CORIN: variants seen among roughly 807,000 people sequenced by gnomAD.
CORIN encodes corin, serine peptidase, also known as atrial natriuretic peptide-converting enzyme.
In CORIN, 117 loss-of-function variants were observed where a neutral mutation model predicts 125.3. The observed-to-expected ratio is 0.93, with a 90% confidence interval of 0.80 to 1.09. The LOEUF (loss-of-function observed/expected upper bound fraction) is 1.09, where lower values mean the gene tolerates loss of function less well. Ranked by LOEUF, CORIN falls within the 50% of genes least tolerant of loss-of-function variation. The probability of loss-of-function intolerance (pLI) is 0.00; values close to 1 mark genes in which losing one functional copy is unlikely to be tolerated. For synonymous variants in CORIN, 450 were observed against 466.4 expected, an observed-to-expected ratio of 0.96 and a Z score of 0.45; for missense variants, 1,253 against 1,306.7, an observed-to-expected ratio of 0.96 and a Z score of 0.63.
At chr4:47,757,525 G>A (rs1290584532) in intron 4 of CORIN, among the ~76,000 whole-genome samples, 1 of 149,874 alleles carries the variant, frequency 6.7e-6, no homozygotes, top group Non-Finnish European at 1.5e-5. Flanking sequence ...AACCTAAGAG[G>A]CAGAGGTTGC....
Position 47,721,271 on chromosome 4 carries a change from T to G in CORIN, c.799+23131A>C, listed in dbSNP as rs58767029. ...GGGCTCCACCCCCATAACCTCATTTTTTCTTTTTTTTTTTTTGAGACGGAG... is the reference window on the plus strand; with the variant it reads ...GGGCTCCACCCCCATAACCTCATTTGTTCTTTTTTTTTTTTTGAGACGGAG... On this transcript the variant is annotated intron_variant, in intron 5 of 21. Coordinates refer to ENST00000273857, the MANE Select transcript of CORIN (RefSeq NM_006587.4). Among the ~76,000 whole-genome samples the G allele has an allele frequency of 1.8e-3, 273 of 151,976 alleles. 1 individual carries two copies. Among genetic ancestry groups the G allele is most frequent in the African/African-American group, 6.4e-3 (264 of 41,502 alleles).
intron 3 of CORIN, among the ~76,000 whole-genome samples, chr4:47,781,109 A>AT (rs1730525609): frequency 6.6e-6 from 1 of 152,154 alleles, no homozygotes; most frequent in Admixed American, 6.6e-5. Context: ...AATGGATTAA[A>AT]TTTTTTCAAT....
intron 16 of CORIN, among the ~76,000 whole-genome samples, chr4:47,634,323 A>G (rs949386494): frequency 2.6e-5 from 4 of 152,170 alleles, no homozygotes; most frequent in African/African-American, 9.7e-5. Context: ...GAAAGAAGTC[A>G]TCTCTCCCAG....
intron 19 of CORIN, among the ~76,000 whole-genome samples, chr4:47,621,514 T>C (rs886302038): frequency 3.3e-5 from 5 of 152,182 alleles, no homozygotes; most frequent in African/African-American, 1.2e-4. Context: ...TTTTTGTTTG[T>C]TGTTATTGTT....
chr4:47,803,917 A>C (rs1250189354), intron 2 of CORIN, among the ~76,000 whole-genome samples: 1 of 152,230 alleles, frequency 6.6e-6, no homozygotes, highest in Non-Finnish European at 1.5e-5. Context: ...GTGAAGAGAC[A>C]ACCCACAGAA....
intron 9 of CORIN, among the ~76,000 whole-genome samples, chr4:47,675,304 A>C (rs1232663145): frequency 6.6e-6 from 1 of 152,212 alleles, no homozygotes; most frequent in Non-Finnish European, 1.5e-5. Context: ...GGCACTTTTA[A>C]GTATAAATAA....
In CORIN at chr4:47,744,546, C is replaced by A; in HGVS notation, c.655G>T (p.Ala219Ser). The change falls in exon 5 of 22, where the codon GCA becomes TCA. Residue 219 changes from alanine (A) to serine (S), a missense_variant. Coordinates refer to ENST00000273857, the MANE Select transcript of CORIN (RefSeq NM_006587.4). ...LLPCRSFCEA[A>S]KEGCESVLGM... is the part of the protein sequence containing the mutation. ...AGGACTGATTCACAGCCTTCTTTTGCAGCCTCACAGAAGGACCTACAGGGC... is the reference window on the plus strand; with the variant it reads ...AGGACTGATTCACAGCCTTCTTTTGAAGCCTCACAGAAGGACCTACAGGGC... 1 of 1,610,708 alleles carries A rather than the reference C, an allele frequency of 6.2e-7. No homozygotes were observed. The highest frequency in any genetic ancestry group is 8.5e-7 in the Non-Finnish European group (1 of 1,178,720).
intron 5 of CORIN, among the ~76,000 whole-genome samples, chr4:47,739,603 A>C (rs1213354490): frequency 6.6e-6 from 1 of 151,992 alleles, no homozygotes; most frequent in East Asian, 1.9e-4. Context: ...ATCCATATGA[A>C]GAAATAAAAG....
chr4:47,744,182 A>G (rs58959111), intron 5 of CORIN, among the ~76,000 whole-genome samples: 26 of 152,280 alleles, frequency 1.7e-4, no homozygotes, highest in African/African-American at 6.0e-4. Flanking sequence ...GTAAGGATAG[A>G]GGTTTCTTTT....
chr4:47,762,053 CAT>C (rs1359243918), intron 4 of CORIN, among the ~76,000 whole-genome samples: 4 of 151,858 alleles, frequency 2.6e-5, no homozygotes, highest in Non-Finnish European at 5.9e-5. Context: ...TGTATACACA[CAT>C]ATATGCACAC....
At chr4:47,691,734 G>GT (rs537222719) in intron 6 of CORIN, among the ~76,000 whole-genome samples, 115 of 145,480 alleles carry the variant, frequency 7.9e-4, no homozygotes, top group Admixed American at 1.7e-3. Context: ...ATTTCCCAAA[G>GT]TTTTTTTTTT....
chr4:47,723,222 T>C (rs1012312908), intron 5 of CORIN, among the ~76,000 whole-genome samples: 1 of 152,118 alleles, frequency 6.6e-6, no homozygotes, highest in African/African-American at 2.4e-5. Flanking sequence ...AGGCTAAAAC[T>C]AGAGCTTTTT....
chr4:47,596,869 C>A (rs895160304), intron 21 of CORIN, among the ~76,000 whole-genome samples: 5 of 152,116 alleles, frequency 3.3e-5, no homozygotes, highest in African/African-American at 9.7e-5. Context: ...TTAATCTTTA[C>A]AAAATACCTA....
intron 21 of CORIN, among the ~76,000 whole-genome samples, chr4:47,598,804 A>G (rs1456174635): frequency 6.6e-6 from 1 of 152,178 alleles, no homozygotes; most frequent in Non-Finnish European, 1.5e-5. Flanking sequence ...GAGTTATTAG[A>G]AAGCGTTTTG....
At chr4:47,632,744 TA>T (rs528198937) in intron 16 of CORIN, among the ~76,000 whole-genome samples, 9 of 116,694 alleles carry the variant, frequency 7.7e-5, no homozygotes, top group Non-Finnish European at 1.6e-4. Flanking sequence ...GATAGATAGA[TA>T]GATAGATAGA....
At chr4:47,725,459 A>G (rs1371083001) in intron 5 of CORIN, among the ~76,000 whole-genome samples, 1 of 152,152 alleles carries the variant, frequency 6.6e-6, no homozygotes, top group Non-Finnish European at 1.5e-5. Flanking sequence ...CAGTCCAGAA[A>G]TAGACCCACG....
chr4:47,715,465 T>C (rs62299225), intron 5 of CORIN, among the ~76,000 whole-genome samples: 1 of 150,454 alleles, frequency 6.6e-6, no homozygotes, highest in African/African-American at 2.5e-5. Context: ...AAATTAGCCG[T>C]GTGGTGGCAG....
In CORIN at chr4:47,594,310, G is replaced by T. The variant is rs1475513726; in HGVS notation, c.*1411C>A. ...GATACAAAAATACATGTATAAAATT[G>T]CAGGTAGTATCTATTTGGAATGCTG... On this transcript the variant is annotated 3_prime_UTR_variant, in exon 22 of 22. Coordinates refer to ENST00000273857, the MANE Select transcript of CORIN (RefSeq NM_006587.4). The T allele has an allele frequency of 6.6e-6, 1 of 152,502 alleles. No individual in the cohort carries two copies. The highest frequency in any genetic ancestry group is 1.5e-5 in the Non-Finnish European group (1 of 67,990). 9.4% of individuals were successfully genotyped at this position (152,502 alleles called of 1,614,324 possible). A position where few individuals can be genotyped will look rare whatever the true frequency, so the allele number is the denominator to read the frequency against.
rs572295488 is a variant in CORIN at position 47,763,387 on chromosome 4, G to A, written c.609C>T (p.Gly203=). The A allele has an allele frequency of 1.2e-5, 20 of 1,612,588 alleles. No individual in the cohort carries two copies. The African/African-American group carries it at 1.3e-4, about 11-fold the overall frequency. Residue 203 remains glycine, a synonymous_variant, in exon 4 of 22, where the codon GGC becomes GGT. Coordinates refer to ENST00000273857, the MANE Select transcript of CORIN (RefSeq NM_006587.4). ...TLAFPECIID[G]DDSHGLLPCR... ...TCTGGGTTCCGAAATACCTGTCATCGCCATCAATGATGCACTCAGGGAAGG... is the reference window on the plus strand; with the variant it reads ...TCTGGGTTCCGAAATACCTGTCATCACCATCAATGATGCACTCAGGGAAGG...
Sources: gnomAD v4.1 joint callset for allele counts (sites outside exome capture counted in the v4.1 genomes callset) on GRCh38, gnomAD v4.1.1 for gene constraint, MANE v1.5 for transcripts, NCBI Gene and HGNC (gene_info 2026-07-23, HGNC 2026-07-21) for gene names.